The following RDX variants were observed in gnomAD, a reference collection of about 807,000 sequenced individuals.
RDX encodes the protein radixin, also known as deafness, autosomal recessive 24.
A neutral mutation model predicts 83.7 loss-of-function variants in RDX; 32 were observed. The ratio of observed to expected loss-of-function variants is 0.38; its 90% CI spans 0.29 to 0.51. The LOEUF is 0.51. Among genes scored for constraint, RDX ranks in the 20% least tolerant of loss-of-function variants. The pLI is 0.87. For missense variants in RDX, 600 were observed against 689.9 expected (o/e 0.87, Z 1.46); for synonymous variants, 229 against 222.7 (o/e 1.03, Z -0.25).
chr11:110,214,991 T>TA (rs566598541), intron 14 of RDX, among the ~76,000 whole-genome samples: 4,858 of 63,158 alleles, frequency 0.077, 98 homozygotes, highest in Middle Eastern at 0.12. Flanking sequence ...TAAAGTATAA[T>TA]AAAAAAAAAA....
At chr11:110,217,565 G>A (rs1323836451) in intron 14 of RDX, among the ~76,000 whole-genome samples, 2 of 152,118 alleles carry the variant, frequency 1.3e-5, no homozygotes, top group South Asian at 2.1e-4. Flanking sequence ...TTTCCTAACC[G>A]ACAGCCCAAG....
intron 5 of RDX, among the ~76,000 whole-genome samples, chr11:110,260,769 G>A (rs556453058): frequency 2.0e-5 from 3 of 152,224 alleles, no homozygotes; most frequent in Admixed American, 2.0e-4. Context: ...TATAACCTAT[G>A]CACATCCTCT....
At chr11:110,226,337 G>A (rs868241782), downstream of RDX, among the ~76,000 whole-genome samples, 1 of 152,140 alleles carries the variant, frequency 6.6e-6, no homozygotes, top group Non-Finnish European at 1.5e-5. Flanking sequence ...CAAAATAAAT[G>A]AACCTTGCAA....
intron 14 of RDX, among the ~76,000 whole-genome samples, chr11:110,220,978 A>G (rs1448944331): frequency 1.3e-5 from 2 of 152,026 alleles, no homozygotes; most frequent in Non-Finnish European, 2.9e-5. Flanking sequence ...TACAGAGTCT[A>G]TATTTTGACT....
At chr11:110,242,764 G>C (rs1422114241) in intron 10 of RDX, among the ~76,000 whole-genome samples, 1 of 151,974 alleles carries the variant, frequency 6.6e-6, no homozygotes, top group East Asian at 1.9e-4. Context: ...CTTTTTAACA[G>C]TCATATAGCC....
At chr11:110,248,640 A>T (rs1859209886) in intron 9 of RDX, among the ~76,000 whole-genome samples, 1 of 152,100 alleles carries the variant, frequency 6.6e-6, no homozygotes, top group Non-Finnish European at 1.5e-5. Flanking sequence ...ATACGGGATG[A>T]ACTCTGACAA....
chr11:110,289,356 C>A (rs1444440967), intron 1 of RDX, among the ~76,000 whole-genome samples: 1 of 151,868 alleles, frequency 6.6e-6, no homozygotes, highest in Non-Finnish European at 1.5e-5. Flanking sequence ...AAATTAAAGG[C>A]CAGATAATTT....
rs117250979 is a variant in RDX at position 110,248,520 on chromosome 11, T to C, written c.960-687A>G. Among the ~76,000 whole-genome samples, 23 of 152,288 alleles carry C rather than the reference T, an allele frequency of 1.5e-4. No homozygotes were observed. In the East Asian group the frequency reaches 4.4e-3, roughly 29 times the overall value. On this transcript the variant is annotated intron_variant, in intron 9 of 13. Coordinates refer to ENST00000645495, the MANE Select transcript of RDX (RefSeq NM_002906.4). Reference sequence around the variant, plus strand: ...GACATTTAGGAACATCCTCAAAGGATGAGTTTACAAAACTGCTAGTAAAGT... The same window carrying C: ...GACATTTAGGAACATCCTCAAAGGACGAGTTTACAAAACTGCTAGTAAAGT...
At chr11:110,210,930 C>A (rs909016212) in intron 14 of RDX, among the ~76,000 whole-genome samples, 3 of 151,916 alleles carry the variant, frequency 2.0e-5, no homozygotes, top group African/African-American at 4.8e-5. Context: ...GAAACTGCAT[C>A]AACTAACGAG....
intron 14 of RDX, among the ~76,000 whole-genome samples, chr11:110,204,284 G>A (rs1863522703): frequency 6.6e-6 from 1 of 150,408 alleles, no homozygotes; most frequent in Non-Finnish European, 1.5e-5. Flanking sequence ...AAAATCAACT[G>A]CATTCTCTAC....
chr11:110,270,466 T>C (rs556859426), intron 3 of RDX, among the ~76,000 whole-genome samples: 1 of 152,342 alleles, frequency 6.6e-6, no homozygotes, highest in South Asian at 2.1e-4. Context: ...GAAATGTCAT[T>C]ATGCGGCACA....
chr11:110,194,724 T>C (rs1262972264), intron 15 of RDX, among the ~76,000 whole-genome samples: 2 of 152,208 alleles, frequency 1.3e-5, no homozygotes, highest in Non-Finnish European at 2.9e-5. Context: ...GGAATAAATA[T>C]TCCTTGATAT....
At chr11:110,185,161 T>C (rs995157443) in intron 15 of RDX, 18 of 152,270 alleles carry the variant, frequency 1.2e-4, no homozygotes, top group African/African-American at 4.3e-4. Context: ...TGTTTTAAAA[T>C]AGCAATTTCA....
chr11:110,267,438 A>C (rs955272345), intron 3 of RDX, among the ~76,000 whole-genome samples: 1 of 150,932 alleles, frequency 6.6e-6, no homozygotes, highest in African/African-American at 2.4e-5. Flanking sequence ...GCTTGAGCCC[A>C]GGAGGCAGAG....
intron 15 of RDX, chr11:110,195,543 G>A (rs1015885871): frequency 1.3e-5 from 2 of 152,186 alleles, no homozygotes; most frequent in Non-Finnish European, 2.9e-5. Flanking sequence ...AGAATCAAGT[G>A]CGCAGTAAGG....
At chr11:110,248,870 T>C (rs570421497) in intron 9 of RDX, among the ~76,000 whole-genome samples, 2 of 152,326 alleles carry the variant, frequency 1.3e-5, no homozygotes, top group South Asian at 4.1e-4. Flanking sequence ...CATTTATGCC[T>C]AGATACAAGA....
intron 15 of RDX, chr11:110,195,917 C>T (rs1863198786): frequency 6.6e-6 from 1 of 152,168 alleles, no homozygotes; most frequent in Non-Finnish European, 1.5e-5. Flanking sequence ...GTCCCAAGTC[C>T]TGGCCCATCT....
chr11:110,238,107 A>C (rs1864936923), intron 10 of RDX, among the ~76,000 whole-genome samples: 1 of 152,230 alleles, frequency 6.6e-6, no homozygotes, highest in Admixed American at 6.5e-5. Context: ...ATACATTTCA[A>C]AACTTCCATT....
intron 15 of RDX, among the ~76,000 whole-genome samples, chr11:110,184,245 T>C (rs1051943880): frequency 1.3e-5 from 2 of 152,210 alleles, no homozygotes; most frequent in African/African-American, 2.4e-5. Context: ...CCCATCCCCC[T>C]TGTAGCCAAG....
Sources: gnomAD v4.1 joint callset for allele counts (sites outside exome capture counted in the v4.1 genomes callset) on GRCh38, gnomAD v4.1.1 for gene constraint, MANE v1.5 for transcripts, NCBI Gene and HGNC (gene_info 2026-07-23, HGNC 2026-07-21) for gene names.